The following ATL2 variants were observed in gnomAD, a reference collection of about 807,000 sequenced individuals.
ATL2 encodes atlastin GTPase 2.
Under a neutral mutation model 73.9 loss-of-function variants are expected in ATL2, and 31 were observed. That is an observed-to-expected ratio of 0.42 (90% CI 0.32 to 0.57). The LOEUF is 0.57. Ranked by LOEUF, ATL2 falls within the 20% of genes least tolerant of loss-of-function variation. The pLI, the probability that ATL2 is intolerant of heterozygous loss-of-function variation, is 0.14. For synonymous variants in ATL2, 291 were observed against 237.5 expected, an observed-to-expected ratio of 1.23 and a Z score of -2.07; for missense variants, 738 against 702.6, an observed-to-expected ratio of 1.05 and a Z score of -0.57.
chr2:38,353,088 C>A (rs1036349924), intron 1 of ATL2, among the ~76,000 whole-genome samples: 9 of 151,936 alleles, frequency 5.9e-5, no homozygotes, highest in African/African-American at 2.2e-4. Flanking sequence ...GAAATGTAGC[C>A]CATAGTCAAG....
chr2:38,366,344 G>A (rs1292856635), intron 1 of ATL2, among the ~76,000 whole-genome samples: 1 of 152,158 alleles, frequency 6.6e-6, no homozygotes, highest in African/African-American at 2.4e-5. Context: ...TTGGCTACAG[G>A]AAAATAGCCC....
Position 38,296,079 on chromosome 2 carries a change from T to C in ATL2, c.1667A>G (p.Glu556Gly). The change falls in exon 13 of 13, where the codon GAA (glutamate) becomes GGA (glycine). Residue 556 changes from glutamate (E) to glycine (G), a missense_variant. By Grantham distance (98) the Glu-to-Gly change is moderately conservative (BLOSUM62 -2). Coordinates refer to ENST00000378954, the MANE Select transcript of ATL2 (RefSeq NM_001135673.4). ...GTTTGTTACAGACTGCCTTATGTTTTCCTCCATCAAATTATCACCCAGGGG... is the reference window on the plus strand; with the variant it reads ...GTTTGTTACAGACTGCCTTATGTTTCCCTCCATCAAATTATCACCCAGGGG... ...LKPLGDNLME[E>G]NIRQSVTNSI... The C allele has an allele frequency of 6.4e-7, 1 of 1,551,498 alleles. No homozygotes were observed. Among genetic ancestry groups the C allele is most frequent in the South Asian group, 1.2e-5 (1 of 84,036 alleles).
intron 2 of ATL2, among the ~76,000 whole-genome samples, chr2:38,322,000 T>C (rs1228972067): frequency 6.6e-6 from 1 of 152,182 alleles, no homozygotes; most frequent in Non-Finnish European, 1.5e-5. Flanking sequence ...ACACACATCT[T>C]CCTGATTCTA....
At chr2:38,312,438 C>T (rs182861778) in intron 7 of ATL2, among the ~76,000 whole-genome samples, 115 of 152,142 alleles carry the variant, frequency 7.6e-4, no homozygotes, top group African/African-American at 2.6e-3. Flanking sequence ...TGGCTGGGTG[C>T]GGTGGCTCAC....
chr2:38,360,337 G>GTA (rs1558451428), intron 1 of ATL2, among the ~76,000 whole-genome samples: 1 of 150,994 alleles, frequency 6.6e-6, no homozygotes, highest in Non-Finnish European at 1.5e-5. Flanking sequence ...CCAGGCTGCA[G>GTA]TACAGTGGCA....
chr2:38,310,156 GAAAC>G (rs1384333225), intron 8 of ATL2, among the ~76,000 whole-genome samples, 149 bp downstream of exon 8: 2 of 152,150 alleles, frequency 1.3e-5, no homozygotes, highest in Admixed American at 6.5e-5. Context: ...GAATGCTAGA[GAAAC>G]AACACAGAGC....
chr2:38,303,471 C>A (rs1267135413), intron 9 of ATL2, among the ~76,000 whole-genome samples: 1 of 152,038 alleles, frequency 6.6e-6, no homozygotes, highest in Non-Finnish European at 1.5e-5. Flanking sequence ...GGATTACAGG[C>A]ATGAGCCACC....
chr2:38,371,214 A>G (rs1469534767), intron 1 of ATL2, among the ~76,000 whole-genome samples: 4 of 151,488 alleles, frequency 2.6e-5, no homozygotes, highest in African/African-American at 7.2e-5. Flanking sequence ...AAAAAAAAAG[A>G]AAGAAAGAAA....
chr2:38,319,112 G>C, intron 2 of ATL2, 93 bp from the exon 3 acceptor site: 1 of 1,357,786 alleles, frequency 7.4e-7, no homozygotes, highest in Admixed American at 2.1e-5. Flanking sequence ...AGATGGGGAA[G>C]CTAAACCCGG....
At position 38,296,046 on chromosome 2, in the gene ATL2, T is replaced by C. The variant is rs1469515907; in HGVS notation, c.1700A>G (p.Lys567Arg). Reference protein sequence around the residue: ...NIRQSVTNSIKAGLTDQVSHH... With the variant: ...NIRQSVTNSIRAGLTDQVSHH... ...AGACACCTGGTCAGTCAGGCCTGCT[T>C]TGATAGAGTTTGTTACAGACTGCCT... The change falls in exon 13 of 13, where the codon AAA (lysine) becomes AGA (arginine). Residue 567 changes from lysine (K) to arginine (R), a missense_variant. Physicochemically the swap from Lys to Arg is conservative, Grantham distance 26. Transcript: ENST00000378954. 6.4e-7 allele frequency: 1 copy of C among 1,551,774 alleles called. No homozygotes were observed. Among genetic ancestry groups the C allele is most frequent in the Non-Finnish European group, 8.7e-7 (1 of 1,146,888 alleles).
chr2:38,344,155 A>G (rs991555074), intron 1 of ATL2, among the ~76,000 whole-genome samples: 2 of 152,108 alleles, frequency 1.3e-5, no homozygotes, highest in African/African-American at 4.8e-5. Flanking sequence ...CCTGTTTCTG[A>G]GCCCTGTATT....
intron 7 of ATL2, among the ~76,000 whole-genome samples, chr2:38,310,942 T>A (rs1372455745): frequency 6.6e-6 from 1 of 152,146 alleles, no homozygotes; most frequent in East Asian, 1.9e-4. Context: ...CACATTTTCT[T>A]AAACCACAAA....
At chr2:38,370,975 G>A (rs969851505) in intron 1 of ATL2, among the ~76,000 whole-genome samples, 4 of 149,790 alleles carry the variant, frequency 2.7e-5, no homozygotes, top group Non-Finnish European at 5.9e-5. Context: ...AAAAAAATAA[G>A]GAAAAAAATA....
In ATL2 at chr2:38,344,376, G is replaced by A. The variant is rs542991267; in HGVS notation, c.119-864C>T. Among the ~76,000 whole-genome samples the A allele has an allele frequency of 2.6e-3, 401 of 152,290 alleles. 1 individual carries two copies. Among genetic ancestry groups the A allele is most frequent in the Admixed American group, 5.6e-3 (86 of 15,302 alleles). On this transcript the variant is annotated intron_variant, in intron 1 of 12. Coordinates refer to ENST00000378954, the MANE Select transcript of ATL2 (RefSeq NM_001135673.4). ...TGTAATCCCAACACTTTGGGAGGCC[G>A]AGGCAGGCAGATCACCTGAGGTCAG...
At chr2:38,323,738 G>A (rs1358136386) in intron 2 of ATL2, among the ~76,000 whole-genome samples, 1 of 151,972 alleles carries the variant, frequency 6.6e-6, no homozygotes, top group Non-Finnish European at 1.5e-5. Flanking sequence ...ACACAGACAG[G>A]GTCTTGCTCT....
Position 38,298,319 on chromosome 2 carries a change from T to C in ATL2, c.1457A>G (p.Tyr486Cys). 6.2e-7 allele frequency: 1 copy of C among 1,614,190 alleles called. No individual in the cohort carries two copies. Among genetic ancestry groups the C allele is most frequent in the Non-Finnish European group, 8.5e-7 (1 of 1,180,018 alleles). Residue 486 changes from tyrosine (Y) to cysteine (C), a missense_variant, in exon 12 of 13, where the codon TAT (tyrosine) becomes TGT (cysteine). Tyr to Cys is a radical substitution (Grantham distance 194, BLOSUM62 -2). Transcript: ENST00000378954. ...GAAGCCAGTCAGTCCTGAGATTATA[T>C]ACATAGCAAACATGACCGCAAACAG... ...ATLFAVMFAM[Y>C]IISGLTGFIG...
chr2:38,372,721 A>C (rs778138797), intron 1 of ATL2, among the ~76,000 whole-genome samples: 11 of 152,234 alleles, frequency 7.2e-5, no homozygotes, highest in Non-Finnish European at 1.5e-4. Context: ...GCCTATTTTG[A>C]AAATTACTTT....
intron 1 of ATL2, among the ~76,000 whole-genome samples, chr2:38,375,527 C>A (rs1417052382): frequency 1.3e-5 from 2 of 152,110 alleles, no homozygotes; most frequent in Non-Finnish European, 2.9e-5. Flanking sequence ...GATACCACAG[C>A]ACAACAACGT....
In ATL2 at chr2:38,360,088, G is replaced by A. The variant is rs192950001; in HGVS notation, c.119-16576C>T. 2.4e-4 allele frequency among the ~76,000 whole-genome samples: 34 copies of A among 142,312 alleles called. No individual in the cohort carries two copies. In the East Asian group the frequency reaches 6.0e-3, roughly 25 times the overall value. The allele number at this position is 142,312 out of a possible 152,430, so 93.4% of individuals were successfully genotyped here. ...GAGGTTGCAGTGAGATGAGATCGTCGTCCACTGTACTCTAGCCTGGGCAGA... is the reference window on the plus strand; with the variant it reads ...GAGGTTGCAGTGAGATGAGATCGTCATCCACTGTACTCTAGCCTGGGCAGA... On this transcript the variant is annotated intron_variant, in intron 1 of 12. Transcript: ENST00000378954.
Sources: gnomAD v4.1 joint callset for allele counts (sites outside exome capture counted in the v4.1 genomes callset) on GRCh38, gnomAD v4.1.1 for gene constraint, MANE v1.5 for transcripts, NCBI Gene and HGNC (gene_info 2026-07-23, HGNC 2026-07-21) for gene names.